ICE2: variants seen among roughly 807,000 people sequenced by gnomAD.
ICE2 encodes the protein little elongation complex subunit 2.
A neutral mutation model predicts 105.4 loss-of-function variants in ICE2; 87 were observed. The ratio of observed to expected loss-of-function variants is 0.83; its 90% CI spans 0.69 to 0.99. The LOEUF (loss-of-function observed/expected upper bound fraction) is 0.99, where lower values mean the gene tolerates loss of function less well. Among genes scored for constraint, ICE2 ranks in the 50% least tolerant of loss-of-function variants. ICE2 has a pLI of 0.00. For missense variants in ICE2, 1,323 were observed against 1,146.7 expected (o/e 1.15, Z -2.22); for synonymous variants, 399 against 392.0 (o/e 1.02, Z -0.21).
chr15:60,442,821 AT>A (rs1415977206), intron 11 of ICE2: 12 of 229,220 alleles, frequency 5.2e-5, no homozygotes, highest in Non-Finnish European at 8.3e-5. Flanking sequence ...GCAAGGTTTG[AT>A]TTTGGTCAGG....
At position 60,422,963 on chromosome 15, in the gene ICE2, G is replaced by C. The variant is rs1595728449; in HGVS notation, c.*671C>G. ...AGCAGTGTATTTCAACACTCAGCTT[G>C]AATCTAGAGATAGAGGCATCTGTCA... On this transcript the variant is annotated 3_prime_UTR_variant, in exon 16 of 16. Coordinates refer to ENST00000261520, the MANE Select transcript of ICE2 (RefSeq NM_024611.6). 1.3e-5 allele frequency: 2 copies of C among 152,506 alleles called. No individual in the cohort carries two copies. The highest frequency in any genetic ancestry group is 4.8e-5 in the African/African-American group (2 of 41,404). The allele number at this position is 152,506 out of a possible 1,614,324, so 9.4% of individuals were successfully genotyped here. A position where few individuals can be genotyped will look rare whatever the true frequency, so the allele number is the denominator to read the frequency against.
At chr15:60,455,184 G>A (rs2030159521) in intron 7 of ICE2, 22 bp from the exon 8 acceptor site, 1 of 1,554,666 alleles carries the variant, frequency 6.4e-7, no homozygotes, top group Admixed American at 2.1e-5. Context: ...CAAGTAATTT[G>A]TTACTTGGTT....
intron 14 of ICE2, 137 bp downstream of exon 14, chr15:60,431,797 G>A: frequency 4.0e-6 from 2 of 506,068 alleles, no homozygotes; most frequent in Non-Finnish European, 3.6e-6. Flanking sequence ...CAATATAAAT[G>A]TTTACATTTG....
Position 60,431,127 on chromosome 15 carries a change from C to T in ICE2, c.2561+807G>A, listed in dbSNP as rs2063449496. ...GACCTCATGATCCGCCTACCTCGGC[C>T]TCCCAAAGTGCTGGGATTACAGGCG... On this transcript the variant is annotated intron_variant, in intron 14 of 15. Transcript: ENST00000261520. Among the ~76,000 whole-genome samples the T allele has an allele frequency of 2.6e-5, 4 of 152,028 alleles. 1 individual carries two copies. In the South Asian group the frequency reaches 8.3e-4, roughly 32 times the overall value.
In ICE2 at chr15:60,431,825, T is replaced by C. The variant is rs562522323; in HGVS notation, c.2561+109A>G. 22 of 593,670 alleles carry C rather than the reference T, an allele frequency of 3.7e-5. No homozygotes were observed. The South Asian group carries it at 4.2e-4, about 11-fold the overall frequency. The allele number at this position is 593,670 out of a possible 1,614,324, so 36.8% of individuals were successfully genotyped here. On this transcript the variant is annotated intron_variant, in intron 14 of 15. Transcript: ENST00000261520. ...TACATTTGACATAATAATTTTTGCA[T>C]TTCTAGGTTATTTTGTCTCTATTCC...
At chr15:60,435,657 T>A (rs1440269335) in intron 13 of ICE2, among the ~76,000 whole-genome samples, 6 of 147,836 alleles carry the variant, frequency 4.1e-5, no homozygotes, top group Non-Finnish European at 8.9e-5. Context: ...CATCTACCAC[T>A]AAACAAAGAA....
Position 60,468,220 on chromosome 15 carries a change from T to C in ICE2, c.249A>G (p.Gly83=). ...CTCTTGGTTTTGGAAGAAGAACCAT[T>C]CCAATTGTGGTTTTAACTTTTTCCT... ...QAKEKVKTTI[G]MVLLPKPRVP... is the part of the protein sequence containing the mutation. The change falls in exon 4 of 16, where the codon GGA becomes GGG. Residue 83 remains glycine (G), a synonymous_variant. Transcript: ENST00000261520. 2 of 1,614,038 alleles carry C rather than the reference T, an allele frequency of 1.2e-6. No individual in the cohort carries two copies. The highest frequency in any genetic ancestry group is 1.7e-6 in the Non-Finnish European group (2 of 1,179,950).
At chr15:60,454,124 A>G (rs1481933786) in intron 8 of ICE2, among the ~76,000 whole-genome samples, 1 of 152,192 alleles carries the variant, frequency 6.6e-6, no homozygotes, top group Non-Finnish European at 1.5e-5. Flanking sequence ...TATTACATTT[A>G]ACTCTAATTT....
At chr15:60,426,267 C>G (rs927587633) in intron 15 of ICE2, among the ~76,000 whole-genome samples, 1 of 152,130 alleles carries the variant, frequency 6.6e-6, no homozygotes, top group South Asian at 2.1e-4. Context: ...GCTGTTACAA[C>G]ATAACAGTGC....
chr15:60,422,324 C>T lies in ICE2; in HGVS notation c.*1310G>A, dbSNP rs967749002. 3.3e-5 allele frequency: 5 copies of T among 151,948 alleles called. No homozygotes were observed. Among genetic ancestry groups the T allele is most frequent in the African/African-American group, 9.7e-5 (4 of 41,344 alleles). 9.4% of individuals were successfully genotyped at this position (151,948 alleles called of 1,614,324 possible). ...ACTTTTTTATTTGTAGAGATGAGGT[C>T]TGTGTTGCCCAGACTGGTCTCCAAC... On this transcript the variant is annotated 3_prime_UTR_variant, in exon 16 of 16. Transcript: ENST00000261520.
intron 3 of ICE2, among the ~76,000 whole-genome samples, chr15:60,469,000 T>A (rs2064507483): frequency 6.6e-6 from 1 of 152,124 alleles, no homozygotes; most frequent in South Asian, 2.1e-4. Flanking sequence ...GAGAAAGTAG[T>A]GAGTAGCTTC....
At chr15:60,451,694 C>T in intron 9 of ICE2, 3 of 810,466 alleles carry the variant, frequency 3.7e-6, no homozygotes, top group Non-Finnish European at 4.5e-6. Context: ...AGAGAAAGCT[C>T]ATTTACTTCT....
intron 15 of ICE2, among the ~76,000 whole-genome samples, chr15:60,427,701 G>A (rs1242439032): frequency 1.3e-5 from 2 of 152,202 alleles, no homozygotes; most frequent in Admixed American, 1.3e-4. Context: ...ATAGGTGTGA[G>A]CCACTGCGCC....
chr15:60,476,086 T>C lies in ICE2; in HGVS notation c.123A>G (p.Lys41=). 6.2e-7 allele frequency: 1 copy of C among 1,603,010 alleles called. No individual in the cohort carries two copies. Among genetic ancestry groups the C allele is most frequent in the South Asian group, 1.1e-5 (1 of 89,214 alleles). ...ACCTGTTGGATAAAACACGTAGTTCTTTTAAACTTGGAGCCATGGAATGAT... is the reference window on the plus strand; with the variant it reads ...ACCTGTTGGATAAAACACGTAGTTCCTTTAAACTTGGAGCCATGGAATGAT... The part of the protein sequence containing the change: ...YKDHSMAPSL[K]ELRVLSNRRI... Residue 41 remains lysine (K), a synonymous_variant, in exon 3 of 16, where the codon AAA becomes AAG. Transcript: ENST00000261520.
At position 60,448,186 on chromosome 15, in the gene ICE2, C is replaced by G. The variant is rs781533063; in HGVS notation, c.2120-41G>C. The G allele has an allele frequency of 2.4e-5, 31 of 1,298,116 alleles. No homozygotes were observed. The South Asian group carries it at 2.9e-4, about 12-fold the overall frequency. The allele number at this position is 1,298,116 out of a possible 1,614,324, so 80.4% of individuals were successfully genotyped here. A position where few individuals can be genotyped will look rare whatever the true frequency, so the allele number is the denominator to read the frequency against. On this transcript the variant is annotated intron_variant, in intron 10 of 15. Coordinates refer to ENST00000261520, the MANE Select transcript of ICE2 (RefSeq NM_024611.6). ...TTCTCATTTTTAAAATACATTAGCT[C>G]TTACCCATCATAAGCAAGGATACAA...
chr15:60,468,099 C>T lies in ICE2; in HGVS notation c.370G>A (p.Ala124Thr). 1 of 1,613,700 alleles carries T rather than the reference C, an allele frequency of 6.2e-7. No homozygotes were observed. Among genetic ancestry groups the T allele is most frequent in the Non-Finnish European group, 8.5e-7 (1 of 1,179,758 alleles). ...TAGTCATTTTTATTTATTCCAACAG[C>T]TTTGGAATTTGCAGGAATCTTTGCG... ...KYAKIPANSK[A>T]VGINKNDYLQ... The change falls in exon 4 of 16, where the codon GCT becomes ACT. Residue 124 changes from alanine (A) to threonine (T), a missense_variant. Transcript: ENST00000261520.
rs1013535494 is a variant in ICE2 at position 60,457,437 on chromosome 15, AAC to A, written c.529-645_529-644del. 3.3e-5 allele frequency among the ~76,000 whole-genome samples: 5 copies of A among 152,146 alleles called. No individual in the cohort carries two copies. The South Asian group carries it at 8.3e-4, about 25-fold the overall frequency. On this transcript the variant is annotated intron_variant, in intron 5 of 15. Coordinates refer to ENST00000261520, the MANE Select transcript of ICE2 (RefSeq NM_024611.6). Reference sequence around the variant, plus strand: ...GGGTGGGGAAGAGTTGTTTGATTAAAACACACACACACATTATCTTCTAAGAT... The same window carrying A: ...GGGTGGGGAAGAGTTGTTTGATTAAAACACACACACATTATCTTCTAAGAT...
intron 12 of ICE2, among the ~76,000 whole-genome samples, chr15:60,436,661 T>C: frequency 7.3e-6 from 1 of 137,040 alleles, no homozygotes; most frequent in East Asian, 2.1e-4. Context: ...CTTGCAGCAG[T>C]GAGCTGAGAC....
At chr15:60,454,760 C>T (rs953085581) in intron 8 of ICE2, 4 of 362,070 alleles carry the variant, frequency 1.1e-5, no homozygotes, top group Non-Finnish European at 1.5e-5. Context: ...CATAGCTATA[C>T]ATGTGCCATG....
Sources: gnomAD v4.1 joint callset for allele counts (sites outside exome capture counted in the v4.1 genomes callset) on GRCh38, gnomAD v4.1.1 for gene constraint, MANE v1.5 for transcripts, NCBI Gene and HGNC (gene_info 2026-07-23, HGNC 2026-07-21) for gene names.